The following MAP2K1 variants were observed in gnomAD, a reference collection of about 807,000 sequenced individuals.
The protein encoded by MAP2K1 is dual specificity mitogen-activated protein kinase kinase 1.
Under a neutral mutation model 46.3 loss-of-function variants are expected in MAP2K1, and 16 were observed. The ratio of observed to expected loss-of-function variants is 0.35; its 90% CI spans 0.23 to 0.52. MAP2K1 has a LOEUF of 0.52. Among genes scored for constraint, MAP2K1 ranks in the 20% least tolerant of loss-of-function variants. The pLI is 0.94. For missense variants in MAP2K1, 263 were observed against 497.1 expected (o/e 0.53, Z 4.48); for synonymous variants, 183 against 185.6 (o/e 0.99, Z 0.11).
At chr15:66,466,066 T>G (rs1892457598) in intron 5 of MAP2K1, among the ~76,000 whole-genome samples, 1 of 152,194 alleles carries the variant, frequency 6.6e-6, no homozygotes, top group African/African-American at 2.4e-5. Context: ...ATTCTTTACT[T>G]ACCACAGGCC....
chr15:66,454,848 A>G (rs1167498514), intron 5 of MAP2K1, among the ~76,000 whole-genome samples: 2 of 151,768 alleles, frequency 1.3e-5, no homozygotes, highest in Non-Finnish European at 2.9e-5. Context: ...GTGCCACTGC[A>G]CTCCAGCCTA....
chr15:66,405,764 C>T (rs988326049), intron 1 of MAP2K1, among the ~76,000 whole-genome samples: 9 of 152,148 alleles, frequency 5.9e-5, no homozygotes, highest in African/African-American at 1.7e-4. Flanking sequence ...AGGGCATGTC[C>T]GGATTAGTTT....
rs142923279 is a variant in MAP2K1, at chr15:66,447,555, G to T, written c.568+2848G>T. On this transcript the variant is annotated intron_variant, in intron 5 of 10. Transcript: ENST00000307102. Reference sequence around the variant, plus strand: ...AAAACACAAAAATTAGCTGCGTGTGGTGGCGTGTGCCTGTAATCCTGGCTA... The same window carrying T: ...AAAACACAAAAATTAGCTGCGTGTGTTGGCGTGTGCCTGTAATCCTGGCTA... Among the ~76,000 whole-genome samples, 6 of 151,684 alleles carry T rather than the reference G, an allele frequency of 4.0e-5. No individual in the cohort carries two copies. The East Asian group carries it at 1.2e-3, about 30-fold the overall frequency.
chr15:66,461,399 C>T (rs994263249), intron 5 of MAP2K1, among the ~76,000 whole-genome samples: 3 of 151,734 alleles, frequency 2.0e-5, no homozygotes, highest in African/African-American at 7.3e-5. Flanking sequence ...CTTGTTTGAA[C>T]CTGGGAGATG....
chr15:66,390,830 C>G (rs1156428288), intron 1 of MAP2K1, among the ~76,000 whole-genome samples: 1 of 152,122 alleles, frequency 6.6e-6, no homozygotes, highest in Admixed American at 6.6e-5. Flanking sequence ...TCCTGCCACT[C>G]CTTTCTTCCA....
rs1429792516 is a variant in MAP2K1, at chr15:66,420,835, ATATATG to A, written c.81-14190_81-14185del. 2.6e-4 allele frequency among the ~76,000 whole-genome samples: 28 copies of A among 107,156 alleles called. 3 individuals are homozygous for A. Among genetic ancestry groups the A allele is most frequent in the South Asian group, 1.3e-3 (4 of 3,072 alleles). 70.3% of individuals were successfully genotyped at this position (107,156 alleles called of 152,430 possible). A position where few individuals can be genotyped will look rare whatever the true frequency, so the allele number is the denominator to read the frequency against. On this transcript the variant is annotated intron_variant, in intron 1 of 10. Coordinates refer to ENST00000307102, the MANE Select transcript of MAP2K1 (RefSeq NM_002755.4). ...TATATGTGTATATATATATGTGTAT[ATATATG>A]TGTGTATATATATGTGTGTATATAT...
At chr15:66,488,961 AAGTG>A (rs1893146664) in intron 8 of MAP2K1, 1 of 510,428 alleles carries the variant, frequency 2.0e-6, no homozygotes, top group Non-Finnish European at 3.6e-6. Flanking sequence ...ATCACCCGAC[AAGTG>A]AGTGGACTTG....
At chr15:66,438,835 G>T (rs1379414960) in intron 3 of MAP2K1, among the ~76,000 whole-genome samples, 1 of 152,204 alleles carries the variant, frequency 6.6e-6, no homozygotes, top group Non-Finnish European at 1.5e-5. Flanking sequence ...GGATGGGGAA[G>T]ACCTGGTCAG....
rs373033464 is a variant in MAP2K1, at chr15:66,442,475, C to A, written c.439-805C>A. 9.3e-4 allele frequency among the ~76,000 whole-genome samples: 141 copies of A among 152,248 alleles called. 1 individual carries two copies. The highest frequency in any genetic ancestry group is 6.8e-3 in the Middle Eastern group (2 of 294). Reference sequence around the variant, plus strand: ...CTTTGAGTAATATTCAGCTCAAATGCCATCTTTTAAGTGAAGTCAGAATTA... The same window carrying A: ...CTTTGAGTAATATTCAGCTCAAATGACATCTTTTAAGTGAAGTCAGAATTA... On this transcript the variant is annotated intron_variant, in intron 3 of 10. Transcript: ENST00000307102.
At chr15:66,443,403 T>G in intron 4 of MAP2K1, 46 bp downstream of exon 4, 1 of 1,147,012 alleles carries the variant, frequency 8.7e-7, no homozygotes, top group Non-Finnish European at 1.3e-6. Flanking sequence ...CATTGATAAG[T>G]TAATGAGTCG....
At chr15:66,459,477 G>A (rs901059912) in intron 5 of MAP2K1, among the ~76,000 whole-genome samples, 1 of 151,812 alleles carries the variant, frequency 6.6e-6, no homozygotes, top group African/African-American at 2.4e-5. Context: ...AATTAGCCTG[G>A]CATGGTGGCG....
intron 1 of MAP2K1, among the ~76,000 whole-genome samples, 166 bp from the exon 2 acceptor site, chr15:66,434,861 G>A (rs1238102001): frequency 1.3e-5 from 2 of 152,198 alleles, no homozygotes; most frequent in Non-Finnish European, 2.9e-5. Context: ...CCGGGTGGCT[G>A]GAGTGAAGTG....
chr15:66,448,152 CA>C lies in MAP2K1; in HGVS notation c.568+3466del, dbSNP rs67953737. Among the ~76,000 whole-genome samples the C allele has an allele frequency of 9.6e-3, 832 of 86,968 alleles. 7 individuals are homozygous for C. The highest frequency in any genetic ancestry group is 0.036 in the African/African-American group (773 of 21,640). 57.1% of individuals were successfully genotyped at this position (86,968 alleles called of 152,430 possible). A position where few individuals can be genotyped will look rare whatever the true frequency, so the allele number is the denominator to read the frequency against. On this transcript the variant is annotated intron_variant, in intron 5 of 10. Coordinates refer to ENST00000307102, the MANE Select transcript of MAP2K1 (RefSeq NM_002755.4). ...TGGGCAGCAGAGCAAGACTCCATCT[CA>C]AAAAAAAAAAAAAAAAAAAACCCAC...
Position 66,476,968 on chromosome 15 carries a change from G to T in MAP2K1, c.569-4787G>T, listed in dbSNP as rs540189424. On this transcript the variant is annotated intron_variant, in intron 5 of 10. Coordinates refer to ENST00000307102, the MANE Select transcript of MAP2K1 (RefSeq NM_002755.4). ...GCAAGAGGGATGTCCTAGCCTGGCG[G>T]CTCCAGCAGCATGCTCTGGGGTTCA... 8.5e-5 allele frequency among the ~76,000 whole-genome samples: 13 copies of T among 152,344 alleles called. No homozygotes were observed. In the East Asian group the frequency reaches 2.5e-3, roughly 29 times the overall value.
At chr15:66,415,967 A>C (rs1446361579) in intron 1 of MAP2K1, among the ~76,000 whole-genome samples, 1 of 152,174 alleles carries the variant, frequency 6.6e-6, no homozygotes, top group Non-Finnish European at 1.5e-5. Context: ...AATATTACAG[A>C]AGTCAAATTA....
intron 5 of MAP2K1, among the ~76,000 whole-genome samples, chr15:66,468,553 T>A (rs62010237): frequency 0.057 from 8,661 of 152,302 alleles, 352 homozygotes; most frequent in Middle Eastern, 0.11. Context: ...CTACCTATCT[T>A]AACTGGATCT....
chr15:66,461,232 G>A (rs1468515440), intron 5 of MAP2K1, among the ~76,000 whole-genome samples: 1 of 152,106 alleles, frequency 6.6e-6, no homozygotes, highest in African/African-American at 2.4e-5. Flanking sequence ...GCTCACGTCT[G>A]TAATCCCAGC....
chr15:66,487,758 G>A (rs574097750), intron 8 of MAP2K1, among the ~76,000 whole-genome samples: 104 of 152,174 alleles, frequency 6.8e-4, no homozygotes, highest in Non-Finnish European at 1.1e-3. Context: ...ATTTGAGGGA[G>A]GCAGAGCATG....
chr15:66,480,994 T>G (rs1193446648), intron 5 of MAP2K1, among the ~76,000 whole-genome samples: 1 of 152,166 alleles, frequency 6.6e-6, no homozygotes, highest in Non-Finnish European at 1.5e-5. Context: ...TAAGGGCCAA[T>G]GTACTGGTAT....
Sources: allele counts gnomAD v4.1 joint callset (sites outside exome capture counted in the v4.1 genomes callset), GRCh38; gene constraint gnomAD v4.1.1; transcripts MANE v1.5; gene names NCBI Gene and HGNC (gene_info 2026-07-23, HGNC 2026-07-21).